Variants in PRSS23 observed in about 807,000 individuals in gnomAD.
PRSS23 encodes the protein protease, serine 23.
PRSS23 carries 25 observed loss-of-function variants against 34.7 expected under a neutral mutation model. The observed-to-expected ratio is 0.72, with a 90% confidence interval of 0.53 to 1.01. The LOEUF is 1.01. Ranked by LOEUF, PRSS23 falls within the 50% of genes least tolerant of loss-of-function variation. The pLI is 0.00. For missense variants in PRSS23, 445 were observed against 475.6 expected (o/e 0.94, Z 0.60); for synonymous variants, 176 against 186.6 (o/e 0.94, Z 0.46).
At chr11:86,909,530 C>T (rs1183578937) in intron 2 of PRSS23, 1 of 152,252 alleles carries the variant, frequency 6.6e-6, no homozygotes, top group Non-Finnish European at 1.5e-5. Context: ...AGTGACTTGC[C>T]TTAAGCAACA....
intron 2 of PRSS23, among the ~76,000 whole-genome samples, chr11:86,872,163 G>A (rs117034954): frequency 0.038 from 5,771 of 152,210 alleles, 140 homozygotes; most frequent in Non-Finnish European, 0.055. Context: ...GGGATTAAAT[G>A]TGATAATGTA....
At chr11:86,829,689 T>A (rs1449508210) in intron 2 of PRSS23, among the ~76,000 whole-genome samples, 1 of 152,228 alleles carries the variant, frequency 6.6e-6, no homozygotes, top group Admixed American at 6.5e-5. Context: ...TTTCTGTTTG[T>A]TAGTTTTCCT....
chr11:86,822,426 G>A (rs997663421), intron 1 of PRSS23, among the ~76,000 whole-genome samples: 2 of 152,088 alleles, frequency 1.3e-5, no homozygotes, highest in African/African-American at 4.8e-5. Flanking sequence ...TTTGAGACCA[G>A]CCTGGGCCAC....
chr11:86,927,709 T>C (rs1471254555), intron 2 of PRSS23, among the ~76,000 whole-genome samples: 4 of 152,092 alleles, frequency 2.6e-5, no homozygotes, highest in African/African-American at 9.7e-5. Flanking sequence ...CCTAGAAATA[T>C]GAGCGGCAAA....
At chr11:86,832,638 C>T in intron 2 of PRSS23, 2 of 472,150 alleles carry the variant, frequency 4.2e-6, no homozygotes, top group South Asian at 3.2e-5. Context: ...ATTGAGGCCA[C>T]TGCACCCTTT....
chr11:86,861,744 A>G (rs1422590582), intron 2 of PRSS23, among the ~76,000 whole-genome samples: 1 of 150,232 alleles, frequency 6.7e-6, no homozygotes, highest in Non-Finnish European at 1.5e-5. Flanking sequence ...CCCCCCTGTG[A>G]TATTTTTTGT....
At chr11:86,872,452 T>G (rs1565372270) in intron 2 of PRSS23, among the ~76,000 whole-genome samples, 1 of 152,206 alleles carries the variant, frequency 6.6e-6, no homozygotes, top group Non-Finnish European at 1.5e-5. Flanking sequence ...TTTGGGTTAT[T>G]TATAAACATA....
intron 2 of PRSS23, chr11:86,833,363 A>G: frequency 1.2e-6 from 1 of 818,390 alleles, no homozygotes. Flanking sequence ...AGGTACATGA[A>G]CAGGAACAGC....
chr11:86,910,506 T>TA (rs1948970122), intron 2 of PRSS23: 3 of 152,156 alleles, frequency 2.0e-5, no homozygotes, highest in Admixed American at 2.0e-4. Context: ...ATTTTGCAGG[T>TA]AAAAAATAAC....
At position 86,879,820 on chromosome 11, in the gene PRSS23, T is replaced by TG. The variant is rs1306375048; in HGVS notation, c.206+56235dup. Among the ~76,000 whole-genome samples the TG allele has an allele frequency of 2.8e-3, 87 of 31,574 alleles. 5 individuals are homozygous for TG. Among genetic ancestry groups the TG allele is most frequent in the Non-Finnish European group, 4.4e-3 (69 of 15,530 alleles). The allele number at this position is 31,574 out of a possible 152,430, so 20.7% of individuals were successfully genotyped here. On this transcript the variant is annotated intron_variant, in intron 2 of 2. Transcript: ENST00000533902. ...CCAGCCGCCCCGTCCGGGAGGGAGG[T>TG]GGGGGGGGTCAGCCCCCCGCCCGGC...
At chr11:86,864,277 G>A (rs1470216898) in intron 2 of PRSS23, among the ~76,000 whole-genome samples, 1 of 152,112 alleles carries the variant, frequency 6.6e-6, no homozygotes, top group African/African-American at 2.4e-5. Flanking sequence ...ACTGAGCAAA[G>A]GCAGAAAGGC....
exon 3 of PRSS23, chr11:86,952,600 A>G: frequency 5.3e-6 from 5 of 951,544 alleles, no homozygotes; most frequent in Non-Finnish European, 8.2e-6. Context: ...ACCTATCGGG[A>G]GTCTGTCTGT....
chr11:86,818,460 C>T (rs1341265515), intron 1 of PRSS23, among the ~76,000 whole-genome samples: 1 of 151,970 alleles, frequency 6.6e-6, no homozygotes, highest in African/African-American at 2.4e-5. Flanking sequence ...TAAGTGTTTC[C>T]GACCATTTAG....
intron 1 of PRSS23, among the ~76,000 whole-genome samples, chr11:86,803,863 G>T (rs1948068864): frequency 6.6e-6 from 1 of 152,134 alleles, no homozygotes; most frequent in Non-Finnish European, 1.5e-5. Context: ...ACTGATCAGG[G>T]AAATCTTGTC....
exon 3 of PRSS23, chr11:86,952,510 T>G (rs1210943647): frequency 1.9e-6 from 3 of 1,602,568 alleles, no homozygotes; most frequent in Non-Finnish European, 1.7e-6. Flanking sequence ...AAAAAAACAA[T>G]GACTTGGAAG....
At chr11:86,812,793 AAAAAAAAAAAAG>A (rs1948188829), downstream of PRSS23, among the ~76,000 whole-genome samples, 1 of 151,132 alleles carries the variant, frequency 6.6e-6, no homozygotes, top group African/African-American at 2.4e-5. Flanking sequence ...GTCTCAAAAA[AAAAAAAAAAAAG>A]AAAAAGAAAA....
intron 2 of PRSS23, among the ~76,000 whole-genome samples, chr11:86,835,284 T>C (rs1022198723): frequency 7.2e-5 from 11 of 152,264 alleles, no homozygotes; most frequent in Non-Finnish European, 1.6e-4. Flanking sequence ...AGACTGCTAC[T>C]GCCACCACTA....
At chr11:86,802,946 G>C (rs1948057289) in intron 1 of PRSS23, among the ~76,000 whole-genome samples, 1 of 152,192 alleles carries the variant, frequency 6.6e-6, no homozygotes, top group Admixed American at 6.5e-5. Context: ...GGCTCATATT[G>C]AGTGATGGAG....
chr11:86,827,326 G>T (rs1396937017), intron 2 of PRSS23, among the ~76,000 whole-genome samples: 1 of 152,156 alleles, frequency 6.6e-6, no homozygotes, highest in Non-Finnish European at 1.5e-5. Flanking sequence ...ATTTCTGTGG[G>T]ATCTGTGGTG....
Sources: gnomAD v4.1 joint callset for allele counts (sites outside exome capture counted in the v4.1 genomes callset) on GRCh38, gnomAD v4.1.1 for gene constraint, MANE v1.5 for transcripts, NCBI Gene and HGNC (gene_info 2026-07-23, HGNC 2026-07-21) for gene names.